The following ADGRE3 variants were observed in gnomAD, a reference collection of about 807,000 sequenced individuals.
ADGRE3 encodes the protein adhesion G protein-coupled receptor E3.
ADGRE3 carries 88 observed loss-of-function variants against 80.1 expected under a neutral mutation model. The observed-to-expected ratio is 1.10, with a 90% CI of 0.93 to 1.31. The LOEUF is 1.31. Ranked by LOEUF, ADGRE3 falls within the 40% of genes most tolerant of loss-of-function variation. The pLI is 0.00. For missense variants in ADGRE3, 715 were observed against 776.5 expected, an observed-to-expected ratio of 0.92 and a Z score of 0.94; for synonymous variants, 281 against 294.8, an observed-to-expected ratio of 0.95 and a Z score of 0.48.
At chr19:14,614,589 T>A (rs979805617), downstream of ADGRE3, among the ~76,000 whole-genome samples, 1 of 152,026 alleles carries the variant, frequency 6.6e-6, no homozygotes, top group African/African-American at 2.4e-5. Context: ...AATCTTTTTT[T>A]TTTTTTGGGC....
intron 2 of ADGRE3, among the ~76,000 whole-genome samples, chr19:14,667,314 G>A (rs1972129506): frequency 6.7e-6 from 1 of 150,256 alleles, no homozygotes. Context: ...GCTCATGAAT[G>A]TCTTCTTTTC....
At chr19:14,631,522 C>T (rs1052726904) in intron 13 of ADGRE3, among the ~76,000 whole-genome samples, 2 of 150,482 alleles carry the variant, frequency 1.3e-5, no homozygotes, top group Non-Finnish European at 3.0e-5. Flanking sequence ...TATATATGTA[C>T]ATATATATTT....
intron 2 of ADGRE3, among the ~76,000 whole-genome samples, chr19:14,667,533 C>A (rs1972137895): frequency 6.6e-6 from 1 of 152,070 alleles, no homozygotes; most frequent in South Asian, 2.1e-4. Flanking sequence ...AGTTCATGTC[C>A]TTTGCAGGGA....
chr19:14,610,527 G>T, the ADGRE3 span: 1 of 243,024 alleles, frequency 4.1e-6, no homozygotes, highest in Non-Finnish European at 8.2e-6. Flanking sequence ...CCTGGGGCTG[G>T]TGTTGAACCT....
chr19:14,620,456 GAA>G, intron 15 of ADGRE3, among the ~76,000 whole-genome samples: 2 of 128,342 alleles, frequency 1.6e-5, no homozygotes, highest in Non-Finnish European at 3.2e-5. Context: ...ATGTATATAT[GAA>G]TATATGAATA....
the ADGRE3 span, chr19:14,600,262 C>T: frequency 1.3e-6 from 2 of 1,510,054 alleles, no homozygotes; most frequent in East Asian, 2.3e-5. Context: ...CCCTCCCTTC[C>T]CTGGATGGCA....
At position 14,644,266 on chromosome 19, in the gene ADGRE3, T is replaced by A. The variant is rs145101518; in HGVS notation, c.892A>T (p.Ser298Cys). ...TAGACACAGAAGACCTTTTTGGTAC[T>A]GGGGGTCATCTGAAAATAGAAAATA... ...LTFQHVKMTP[S>C]TKKVFCVYWK... The change falls in exon 9 of 16, where the codon AGT becomes TGT. Residue 298 changes from serine to cysteine, a missense_variant. Transcript: ENST00000253673. 4 of 1,527,278 alleles carry A rather than the reference T, an allele frequency of 2.6e-6. No homozygotes were observed. The highest frequency in any genetic ancestry group is 1.8e-6 in the Non-Finnish European group (2 of 1,136,844). The allele number at this position is 1,527,278 out of a possible 1,614,324, so 94.6% of individuals were successfully genotyped here. A position where few individuals can be genotyped will look rare whatever the true frequency, so the allele number is the denominator to read the frequency against.
intron 10 of ADGRE3, among the ~76,000 whole-genome samples, chr19:14,640,213 G>A (rs1971211467): frequency 6.6e-6 from 1 of 152,100 alleles, no homozygotes; most frequent in East Asian, 1.9e-4. Flanking sequence ...AGTTTACAAA[G>A]GCATTCCTCA....
In ADGRE3 at chr19:14,668,836, C is replaced by G. The variant is rs1972175542; in HGVS notation, c.42G>C (p.Leu14=). ...PLLLPGLCFL[L]SLFGAVTQKT... The stretch of plus-strand genomic sequence containing the variant: ...TCTGAGTCACAGCTCCAAAGAGGCT[C>G]AGCAGAAAGCAGAGGCCTGGAATAG... Residue 14 remains leucine (L), a synonymous_variant, in exon 2 of 16, where the codon CTG becomes CTC. Coordinates refer to ENST00000253673, the MANE Select transcript of ADGRE3 (RefSeq NM_032571.5). 6.2e-7 allele frequency: 1 copy of G among 1,613,916 alleles called. No individual in the cohort carries two copies. Among genetic ancestry groups the G allele is most frequent in the Non-Finnish European group, 8.5e-7 (1 of 1,180,014 alleles).
chr19:14,607,029 T>C, the ADGRE3 span: 1 of 1,330,430 alleles, frequency 7.5e-7, no homozygotes, highest in Non-Finnish European at 9.7e-7. Flanking sequence ...TCCACGGGTG[T>C]ACTGGCTGGG....
intron 4 of ADGRE3, among the ~76,000 whole-genome samples, chr19:14,658,762 T>G (rs1971849654): frequency 6.6e-6 from 1 of 152,106 alleles, no homozygotes; most frequent in Non-Finnish European, 1.5e-5. Context: ...TGAGACAGAG[T>G]CTCACTCTGT....
intron 1 of ADGRE3, 111 bp from the exon 2 acceptor site, chr19:14,668,963 A>G: frequency 9.6e-7 from 1 of 1,038,012 alleles, no homozygotes; most frequent in Middle Eastern, 2.1e-4. Flanking sequence ...ACAAATTACA[A>G]AAATGTAGTG....
intron 14 of ADGRE3, among the ~76,000 whole-genome samples, chr19:14,626,436 C>CA (rs1970741112): frequency 6.6e-6 from 1 of 151,048 alleles, no homozygotes; most frequent in South Asian, 2.1e-4. Flanking sequence ...CACTTCATCT[C>CA]AAAAAAACAA....
chr19:14,616,995 A>G (rs568460276), downstream of ADGRE3, among the ~76,000 whole-genome samples: 6 of 151,312 alleles, frequency 4.0e-5, no homozygotes, highest in African/African-American at 1.2e-4. Context: ...GTGTTTCTCC[A>G]TGTTGGTCAG....
chr19:14,628,714 A>G, intron 14 of ADGRE3: 1 of 389,414 alleles, frequency 2.6e-6, no homozygotes, highest in Non-Finnish European at 5.1e-6. Context: ...GCAGACTGGG[A>G]TGGATCTATG....
rs548997222 is a variant in ADGRE3 at position 14,640,268 on chromosome 19, G to A, written c.1248+1151C>T. ...ACCCTCCTACCCTTGCTATGGGGGGGACAAAAGTTGATCACTAAGACAACT... is the reference window on the plus strand; with the variant it reads ...ACCCTCCTACCCTTGCTATGGGGGGAACAAAAGTTGATCACTAAGACAACT... On this transcript the variant is annotated intron_variant, in intron 10 of 15. Transcript: ENST00000253673. 2.4e-3 allele frequency among the ~76,000 whole-genome samples: 366 copies of A among 152,156 alleles called. 2 individuals are homozygous for A. Among genetic ancestry groups the A allele is most frequent in the African/African-American group, 8.2e-3 (341 of 41,522 alleles).
chr19:14,652,584 A>G (rs965458145), intron 6 of ADGRE3, among the ~76,000 whole-genome samples: 2 of 151,990 alleles, frequency 1.3e-5, no homozygotes, highest in African/African-American at 4.8e-5. Flanking sequence ...GTTCAAGACC[A>G]GCCTGGCCAA....
chr19:14,619,533 C>G (rs1970475006), intron 15 of ADGRE3, 62 bp from the exon 16 acceptor site: 1 of 1,307,666 alleles, frequency 7.6e-7, no homozygotes, highest in South Asian at 1.2e-5. Context: ...CAGACAAAAT[C>G]AACAACATGG....
intron 5 of ADGRE3, among the ~76,000 whole-genome samples, chr19:14,656,756 G>T (rs780757762): frequency 3.9e-5 from 6 of 152,132 alleles, no homozygotes; most frequent in Non-Finnish European, 8.8e-5. Flanking sequence ...GTCTATGTCC[G>T]CAGCTTGATT....
Sources: gnomAD v4.1 joint callset for allele counts (sites outside exome capture counted in the v4.1 genomes callset) on GRCh38, gnomAD v4.1.1 for gene constraint, MANE v1.5 for transcripts, NCBI Gene and HGNC (gene_info 2026-07-23, HGNC 2026-07-21) for gene names.